LRRTM4: variants seen among roughly 807,000 people sequenced by gnomAD.
The protein encoded by LRRTM4 is leucine-rich repeat transmembrane neuronal protein 4.
Under a neutral mutation model 47.6 loss-of-function variants are expected in LRRTM4, and 25 were observed. The observed-to-expected ratio is 0.53, with a 90% confidence interval of 0.38 to 0.73. The LOEUF is 0.73. Among genes scored for constraint, LRRTM4 ranks in the 30% least tolerant of loss-of-function variants. The pLI is 0.00. For missense variants in LRRTM4, 638 were observed against 713.4 expected (o/e 0.89, Z 1.20); for synonymous variants, 311 against 269.5 (o/e 1.15, Z -1.51).
intron 3 of LRRTM4, among the ~76,000 whole-genome samples, chr2:77,214,600 T>C (rs1226390142): frequency 1.3e-5 from 2 of 152,162 alleles, no homozygotes; most frequent in Non-Finnish European, 2.9e-5. Flanking sequence ...ATTGAGTTCA[T>C]AGTTTTTCAT....
chr2:77,410,927 T>C (rs1400957972), intron 3 of LRRTM4, among the ~76,000 whole-genome samples: 1 of 152,164 alleles, frequency 6.6e-6, no homozygotes, highest in African/African-American at 2.4e-5. Flanking sequence ...CAAACATTTG[T>C]TGGAAACTTT....
intron 3 of LRRTM4, among the ~76,000 whole-genome samples, chr2:76,816,819 G>GTTGT (rs1670910659): frequency 5.2e-5 from 5 of 96,526 alleles, no homozygotes; most frequent in African/African-American, 1.6e-4. Flanking sequence ...GAGGTAAAGA[G>GTTGT]TTTTTTTTTT....
intron 3 of LRRTM4, among the ~76,000 whole-genome samples, chr2:77,471,944 C>T (rs1414804971): frequency 6.6e-6 from 1 of 152,138 alleles, no homozygotes. Flanking sequence ...AACCCCAAAT[C>T]TAATCTTTGT....
At chr2:77,095,561 A>G (rs980683599) in intron 3 of LRRTM4, among the ~76,000 whole-genome samples, 11 of 150,170 alleles carry the variant, frequency 7.3e-5, no homozygotes, top group Admixed American at 5.3e-4. Flanking sequence ...GCTGGAGTAC[A>G]GTGGCATGAT....
At chr2:76,933,378 G>T (rs974851410) in intron 3 of LRRTM4, among the ~76,000 whole-genome samples, 1 of 151,878 alleles carries the variant, frequency 6.6e-6, no homozygotes, top group South Asian at 2.1e-4. Context: ...TTCTCACACG[G>T]TCATACAAAT....
intron 3 of LRRTM4, among the ~76,000 whole-genome samples, chr2:77,409,162 A>C (rs77423706): frequency 6.6e-6 from 1 of 152,350 alleles, no homozygotes; most frequent in South Asian, 2.1e-4. Flanking sequence ...ATAACTAAAT[A>C]TAATAATATG....
intron 3 of LRRTM4, among the ~76,000 whole-genome samples, chr2:77,148,251 A>C (rs1342073694): frequency 6.6e-6 from 1 of 152,142 alleles, no homozygotes; most frequent in Non-Finnish European, 1.5e-5. Context: ...ATGCACTTTG[A>C]GAATGCCTTG....
At chr2:76,807,976 TC>T (rs1670601071) in intron 3 of LRRTM4, among the ~76,000 whole-genome samples, 2 of 147,510 alleles carry the variant, frequency 1.4e-5, no homozygotes, top group African/African-American at 2.5e-5. Flanking sequence ...TTTCCTTCCT[TC>T]CCTTCTTTCT....
intron 3 of LRRTM4, among the ~76,000 whole-genome samples, chr2:77,159,103 TG>T (rs1672638098): frequency 6.6e-6 from 1 of 152,202 alleles, no homozygotes; most frequent in Non-Finnish European, 1.5e-5. Flanking sequence ...CGTTCATCTT[TG>T]CAGATATTTT....
Position 77,519,971 on chromosome 2 carries a change from T to A in LRRTM4, c.5-107A>T. On this transcript the variant is annotated intron_variant, in intron 2 of 3. Coordinates refer to ENST00000409884, the MANE Select transcript of LRRTM4 (RefSeq NM_001134745.3). The surrounding 1 kb of genome is among the most constrained non-coding windows in gnomAD (Gnocchi z 4.6). ...TTCCTCTAGTGTAGGAATGGGACAGTTGATTTAAGGAAAATGCATTAACAT... is the reference window on the plus strand; with the variant it reads ...TTCCTCTAGTGTAGGAATGGGACAGATGATTTAAGGAAAATGCATTAACAT... The A allele has an allele frequency of 1.4e-6, 2 of 1,432,384 alleles. No individual in the cohort carries two copies. The highest frequency in any genetic ancestry group is 1.8e-6 in the Non-Finnish European group (2 of 1,092,334). The allele number at this position is 1,432,384 out of a possible 1,614,324, so 88.7% of individuals were successfully genotyped here.
chr2:77,128,700 C>G (rs1017858794), intron 3 of LRRTM4, among the ~76,000 whole-genome samples: 3 of 152,066 alleles, frequency 2.0e-5, no homozygotes, highest in African/African-American at 7.3e-5. Context: ...AGTGCAATGG[C>G]GTGATCTCAG....
At chr2:76,790,875 G>T (rs768617259) in intron 3 of LRRTM4, among the ~76,000 whole-genome samples, 1 of 152,124 alleles carries the variant, frequency 6.6e-6, no homozygotes, top group African/African-American at 2.4e-5. Flanking sequence ...CAATGATGCT[G>T]TCTGACTGAA....
intron 3 of LRRTM4, among the ~76,000 whole-genome samples, chr2:77,499,046 A>T (rs1678469145): frequency 6.6e-6 from 1 of 151,806 alleles, no homozygotes; most frequent in African/African-American, 2.4e-5. Flanking sequence ...TAGCCTCTCC[A>T]AGACCAGGTT....
chr2:77,375,107 G>A (rs1172993719), intron 3 of LRRTM4, among the ~76,000 whole-genome samples: 3 of 150,334 alleles, frequency 2.0e-5, no homozygotes, highest in Admixed American at 6.6e-5. Context: ...TTTTCTCTCT[G>A]TATGCTTCAC....
At chr2:77,048,209 G>A (rs537438324) in intron 3 of LRRTM4, among the ~76,000 whole-genome samples, 10 of 152,002 alleles carry the variant, frequency 6.6e-5, no homozygotes, top group East Asian at 3.9e-4. Flanking sequence ...TGATATATAC[G>A]TATGTATGTA....
chr2:77,170,915 T>G (rs1673029743), intron 3 of LRRTM4, among the ~76,000 whole-genome samples: 1 of 150,462 alleles, frequency 6.6e-6, no homozygotes, highest in Non-Finnish European at 1.5e-5. Flanking sequence ...GTAGGTATGT[T>G]ATGTACATAC....
chr2:76,748,742 C>A lies in LRRTM4; in HGVS notation c.1726G>T (p.Ala576Ser). 1 of 1,613,686 alleles carries A rather than the reference C, an allele frequency of 6.2e-7. No homozygotes were observed. The highest frequency in any genetic ancestry group is 1.7e-4 in the Middle Eastern group (1 of 6,058). The stretch of plus-strand genomic sequence containing the variant: ...TAGATGGCCGGTGCTGCCGACCTGG[C>A]GATGGTGGCGATGAAGCTGTGGTCT... ...GRDHSFIATI[A>S]RSAAPAIYLE... Residue 576 changes from alanine to serine, a missense_variant, in exon 4 of 4, where the codon GCC becomes TCC. Transcript: ENST00000409884.
At chr2:77,383,429 C>G (rs888668826) in intron 3 of LRRTM4, among the ~76,000 whole-genome samples, 2 of 151,976 alleles carry the variant, frequency 1.3e-5, no homozygotes, top group Admixed American at 1.3e-4. Context: ...CTTTCTTATA[C>G]GTGTTCCTTT....
chr2:77,059,274 T>A (rs989919307), intron 3 of LRRTM4, among the ~76,000 whole-genome samples: 8 of 152,214 alleles, frequency 5.3e-5, no homozygotes, highest in Admixed American at 4.6e-4. Context: ...TATTGAGATT[T>A]GGAAGGCCAT....
Sources: gnomAD v4.1 joint callset for allele counts (sites outside exome capture counted in the v4.1 genomes callset) on GRCh38, gnomAD v4.1.1 for gene constraint, Gnocchi (gnomAD v3.1) non-coding constraint, MANE v1.5 for transcripts, NCBI Gene and HGNC (gene_info 2026-07-23, HGNC 2026-07-21) for gene names.